MSRA: variants seen among roughly 807,000 people sequenced by gnomAD.
MSRA encodes the protein mitochondrial peptide methionine sulfoxide reductase.
In MSRA, 54 loss-of-function variants were observed where a neutral mutation model predicts 31.3. The ratio of observed to expected loss-of-function variants is 1.73; its 90% CI spans 1.39 to 2.17. MSRA has a LOEUF of 2.17. MSRA is among the 30% of genes most tolerant of loss of function. The pLI is 0.00. For synonymous variants in MSRA, 169 were observed against 116.5 expected (o/e 1.45, Z -2.90); for missense variants, 507 against 300.9 (o/e 1.69, Z -5.07).
chr8:10,367,366 TATAA>T (rs1357192904), intron 5 of MSRA, among the ~76,000 whole-genome samples: 3 of 152,224 alleles, frequency 2.0e-5, no homozygotes, highest in Non-Finnish European at 4.4e-5. Context: ...GTGCCTAATT[TATAA>T]ATAAAACTTT....
At chr8:10,179,752 G>A (rs1222667947) in intron 1 of MSRA, among the ~76,000 whole-genome samples, 1 of 152,220 alleles carries the variant, frequency 6.6e-6, no homozygotes, top group Non-Finnish European at 1.5e-5. Flanking sequence ...AGAGGATGCT[G>A]ACTTTGTGGG....
intron 5 of MSRA, among the ~76,000 whole-genome samples, chr8:10,365,385 A>G (rs1056529783): frequency 1.3e-5 from 2 of 152,174 alleles, no homozygotes; most frequent in African/African-American, 4.8e-5. Context: ...TCTGCCATCC[A>G]AAGTCAGAAT....
chr8:10,364,538 A>AAAT (rs1331891939), intron 5 of MSRA, among the ~76,000 whole-genome samples: 1 of 152,232 alleles, frequency 6.6e-6, no homozygotes, highest in Admixed American at 6.5e-5. Flanking sequence ...AGGAAATGAA[A>AAAT]AATAGCCTAA....
chr8:10,085,066 G>T (rs1219252192), intron 1 of MSRA, among the ~76,000 whole-genome samples: 1 of 152,042 alleles, frequency 6.6e-6, no homozygotes, highest in Non-Finnish European at 1.5e-5. Context: ...GGCAAAAATC[G>T]TGAACACAGT....
chr8:10,061,667 T>G (rs1173902359), intron 1 of MSRA, among the ~76,000 whole-genome samples: 6 of 152,060 alleles, frequency 3.9e-5, no homozygotes, highest in Non-Finnish European at 5.9e-5. Flanking sequence ...GGTTAATGCC[T>G]GAGAACAAAG....
intron 1 of MSRA, among the ~76,000 whole-genome samples, chr8:10,081,274 A>G (rs1563410608): frequency 6.6e-6 from 1 of 152,214 alleles, no homozygotes; most frequent in Non-Finnish European, 1.5e-5. Flanking sequence ...AGAACCTGGC[A>G]TCCCATAGCT....
chr8:10,377,711 A>G (rs1220980455), intron 5 of MSRA, among the ~76,000 whole-genome samples: 1 of 152,202 alleles, frequency 6.6e-6, no homozygotes, highest in African/African-American at 2.4e-5. Context: ...GCCCGATTTC[A>G]GGCTCAAAAA....
rs1802206013 is a variant in MSRA at position 10,323,860 on chromosome 8, G to A, written c.543+3871G>A. Among the ~76,000 whole-genome samples, 2 of 151,890 alleles carry A rather than the reference G, an allele frequency of 1.3e-5. 1 individual carries two copies. Among genetic ancestry groups the A allele is most frequent in the South Asian group, 4.2e-4 (2 of 4,818 alleles). On this transcript the variant is annotated intron_variant, in intron 5 of 5. Transcript: ENST00000317173. ...GGTCTATTTTTTAAATAAAGATTGG[G>A]ACTCCTGTGCCTTTAGTATCCCGAT...
intron 3 of MSRA, among the ~76,000 whole-genome samples, chr8:10,278,921 G>A (rs1799469663): frequency 6.6e-6 from 1 of 152,152 alleles, no homozygotes; most frequent in Admixed American, 6.5e-5. Flanking sequence ...CCATGTAGGT[G>A]GTAGTCAGGA....
chr8:10,139,645 A>G (rs1424286000), intron 1 of MSRA, among the ~76,000 whole-genome samples: 1 of 152,134 alleles, frequency 6.6e-6, no homozygotes, highest in Non-Finnish European at 1.5e-5. Context: ...GAGTTATTTC[A>G]CTTAAGATAA....
chr8:10,117,382 G>A (rs760786472), intron 1 of MSRA, among the ~76,000 whole-genome samples: 1 of 152,186 alleles, frequency 6.6e-6, no homozygotes, highest in African/African-American at 2.4e-5. Flanking sequence ...CCCTAGACTG[G>A]GTCTGCCAGG....
chr8:10,205,626 A>C (rs909741858), intron 1 of MSRA, among the ~76,000 whole-genome samples: 1 of 152,236 alleles, frequency 6.6e-6, no homozygotes, highest in African/African-American at 2.4e-5. Context: ...AGAAAAATCT[A>C]TAATTTTCAT....
At chr8:10,309,799 C>A (rs1194049632) in intron 4 of MSRA, among the ~76,000 whole-genome samples, 1 of 152,156 alleles carries the variant, frequency 6.6e-6, no homozygotes, top group Non-Finnish European at 1.5e-5. Context: ...CCCTGCCAGA[C>A]GTGTGCAGTC....
At chr8:10,267,105 C>A (rs780481031) in intron 3 of MSRA, among the ~76,000 whole-genome samples, 2 of 152,216 alleles carry the variant, frequency 1.3e-5, no homozygotes. Context: ...TAGTCTCAGA[C>A]TCCAGTTTAA....
chr8:10,226,999 G>A (rs1476733824), intron 2 of MSRA, among the ~76,000 whole-genome samples: 1 of 152,266 alleles, frequency 6.6e-6, no homozygotes, highest in African/African-American at 2.4e-5. Context: ...GAGAAGCCTG[G>A]GCTTCCACGA....
At chr8:10,351,903 C>A (rs1292806168) in intron 5 of MSRA, among the ~76,000 whole-genome samples, 2 of 152,188 alleles carry the variant, frequency 1.3e-5, no homozygotes, top group Non-Finnish European at 2.9e-5. Context: ...TTCTCTGGAC[C>A]CTGGCTGTCC....
Position 10,054,474 on chromosome 8 carries a change from G to C in MSRA, c.-43G>C. ...CGTTCCGGCTGCGGCTCCGCTGCCGGTAGCGCCGTCCCCCGGGACCACCCT... is the reference window on the plus strand; with the variant it reads ...CGTTCCGGCTGCGGCTCCGCTGCCGCTAGCGCCGTCCCCCGGGACCACCCT... On this transcript the variant is annotated 5_prime_UTR_variant, in exon 1 of 6. Transcript: ENST00000317173. 11 of 1,541,604 alleles carry C rather than the reference G, an allele frequency of 7.1e-6. No homozygotes were observed. The highest frequency in any genetic ancestry group is 1.2e-5 in the South Asian group (1 of 84,878).
intron 5 of MSRA, among the ~76,000 whole-genome samples, chr8:10,384,374 C>T (rs773587084): frequency 2.0e-5 from 3 of 152,214 alleles, no homozygotes; most frequent in Admixed American, 6.5e-5. Flanking sequence ...GAGCAGATAT[C>T]GACAGACCAG....
At chr8:10,137,381 C>T (rs968480625) in intron 1 of MSRA, among the ~76,000 whole-genome samples, 1 of 152,136 alleles carries the variant, frequency 6.6e-6, no homozygotes, top group African/African-American at 2.4e-5. Context: ...TTTCCACTTT[C>T]ACAAGTTGTT....
Sources: gnomAD v4.1 joint callset for allele counts (sites outside exome capture counted in the v4.1 genomes callset) on GRCh38, gnomAD v4.1.1 for gene constraint, MANE v1.5 for transcripts, NCBI Gene and HGNC (gene_info 2026-07-23, HGNC 2026-07-21) for gene names.